Variants in NEBL observed in about 807,000 individuals in gnomAD.
The protein encoded by NEBL is LIM and SH3 protein 2.
A neutral mutation model predicts 140.2 loss-of-function variants in NEBL; 122 were observed. That is an observed-to-expected ratio of 0.87 (90% CI 0.75 to 1.01). The LOEUF is 1.01. Among genes scored for constraint, NEBL ranks in the 50% least tolerant of loss-of-function variants. The probability of loss-of-function intolerance (pLI) is 0.00; values close to 1 mark genes in which losing one functional copy is unlikely to be tolerated. For missense variants in NEBL, 1,365 were observed against 1,231.3 expected (o/e 1.11, Z -1.62); for synonymous variants, 436 against 398.9 (o/e 1.09, Z -1.11).
chr10:20,823,223 C>T lies in NEBL; in HGVS notation c.1947G>A (p.Gln649=). Residue 649 remains glutamine, a synonymous_variant, in exon 19 of 28, where the codon CAG becomes CAA. Coordinates refer to ENST00000377122, the MANE Select transcript of NEBL (RefSeq NM_006393.3). Reference sequence around the variant, plus strand: ...ATATGATCACATTGCTGATGTTCTTCTGGTTTTCTTTAACTCTCTTTAGTT... The same window carrying T: ...ATATGATCACATTGCTGATGTTCTTTTGGTTTTCTTTAACTCTCTTTAGTT... The part of the protein sequence containing the change: ...PPELKRVKEN[Q]KNISNLQYKE... 5.6e-6 allele frequency: 9 copies of T among 1,605,864 alleles called. No individual in the cohort carries two copies. Among genetic ancestry groups the T allele is most frequent in the Non-Finnish European group, 7.7e-6 (9 of 1,175,496 alleles).
intron 17 of NEBL, among the ~76,000 whole-genome samples, chr10:20,827,053 G>T (rs1012058443): frequency 3.3e-5 from 5 of 151,968 alleles, no homozygotes; most frequent in African/African-American, 9.7e-5. Flanking sequence ...CCACTTATTT[G>T]TTAACCCTCT....
At chr10:21,136,243 G>C (rs1056007972) in intron 2 of NEBL, among the ~76,000 whole-genome samples, 2 of 152,174 alleles carry the variant, frequency 1.3e-5, no homozygotes, top group African/African-American at 4.8e-5. Context: ...CAATTCTCTA[G>C]TAATATATTT....
At chr10:20,925,638 C>T (rs1023367556) in intron 4 of NEBL, among the ~76,000 whole-genome samples, 1 of 152,036 alleles carries the variant, frequency 6.6e-6, no homozygotes, top group Non-Finnish European at 1.5e-5. Flanking sequence ...CTGCCAACTC[C>T]TTAACCCACA....
At chr10:21,041,863 A>C (rs1834282483) in intron 2 of NEBL, among the ~76,000 whole-genome samples, 1 of 152,170 alleles carries the variant, frequency 6.6e-6, no homozygotes, top group African/African-American at 2.4e-5. Context: ...CATATATAGT[A>C]ATTTCCCGAT....
chr10:21,275,807 A>ATTTTTTT (rs959684198), intron 1 of NEBL, among the ~76,000 whole-genome samples: 7 of 113,800 alleles, frequency 6.2e-5, no homozygotes, highest in African/African-American at 7.0e-5. Flanking sequence ...CACCCAGCTA[A>ATTTTTTT]TTTTTTTTTT....
In NEBL at chr10:20,823,209, T is replaced by C. The variant is rs1839521789; in HGVS notation, c.1961A>G (p.Asn654Ser). ...RVKENQKNISNLQYKEQNYKA... is the reference protein window; with the variant it reads ...RVKENQKNISSLQYKEQNYKA... ...AAAATACTTAAGAAATATGATCACA[T>C]TGCTGATGTTCTTCTGGTTTTCTTT... is the stretch of plus-strand genomic sequence containing the variant. The change falls in exon 19 of 28, where the codon AAT becomes AGT. Residue 654 changes from asparagine to serine, a missense_variant and splice_region_variant. Physicochemically the swap from Asn to Ser is conservative, Grantham distance 46. Around this residue, in one of 2 missense-constraint regions of NEBL, gnomAD observed 1,323 missense variants for 1,154.8 expected, o/e 1.15. Transcript: ENST00000377122. 3 of 1,596,728 alleles carry C rather than the reference T, an allele frequency of 1.9e-6. No individual in the cohort carries two copies. The East Asian group carries it at 6.7e-5, about 36-fold the overall frequency.
At chr10:21,281,542 T>C (rs946426777) in intron 1 of NEBL, among the ~76,000 whole-genome samples, 6 of 151,862 alleles carry the variant, frequency 4.0e-5, no homozygotes, top group Non-Finnish European at 7.4e-5. Context: ...TGACATGAAA[T>C]GGGGTAAAAT....
intron 3 of NEBL, among the ~76,000 whole-genome samples, chr10:20,991,634 T>C (rs1837457824): frequency 6.6e-6 from 1 of 152,074 alleles, no homozygotes; most frequent in African/African-American, 2.4e-5. Context: ...TATTTTTATA[T>C]TCAGGGGTAC....
chr10:21,245,786 C>T (rs549767662), intron 3 of NEBL, among the ~76,000 whole-genome samples: 5 of 152,356 alleles, frequency 3.3e-5, no homozygotes, highest in Admixed American at 1.3e-4. Context: ...AGCTCCACCT[C>T]CTGGGTTCAC....
chr10:21,266,830 T>A (rs755707318), intron 1 of NEBL, among the ~76,000 whole-genome samples: 3 of 152,128 alleles, frequency 2.0e-5, no homozygotes, highest in Non-Finnish European at 4.4e-5. Flanking sequence ...CAGGCTGGAG[T>A]GCAGTGGCAT....
At chr10:21,193,364 T>C (rs74121097) in intron 3 of NEBL, among the ~76,000 whole-genome samples, 3,037 of 152,282 alleles carry the variant, frequency 0.02, 110 homozygotes, top group African/African-American at 0.068. Flanking sequence ...GCCAAAAGCC[T>C]GAAATGGTCG....
chr10:21,037,007 A>C (rs923766987), intron 2 of NEBL, among the ~76,000 whole-genome samples: 1 of 152,118 alleles, frequency 6.6e-6, no homozygotes, highest in Non-Finnish European at 1.5e-5. Flanking sequence ...CCACCTGTGC[A>C]CTTTACAGAA....
chr10:20,821,055 AG>A (rs1839264745), intron 19 of NEBL, among the ~76,000 whole-genome samples: 1 of 152,156 alleles, frequency 6.6e-6, no homozygotes, highest in Admixed American at 6.5e-5. Flanking sequence ...ATTGAGCTAA[AG>A]GGAGGAATGT....
chr10:20,895,177 A>G (rs1847370405), intron 2 of NEBL, among the ~76,000 whole-genome samples: 1 of 152,122 alleles, frequency 6.6e-6, no homozygotes, highest in Non-Finnish European at 1.5e-5. Context: ...CAAATCACCT[A>G]CTAACTACAG....
intron 4 of NEBL, among the ~76,000 whole-genome samples, chr10:20,945,346 G>T (rs901104758): frequency 6.6e-6 from 1 of 152,132 alleles, no homozygotes; most frequent in African/African-American, 2.4e-5. Context: ...ACCAGGCTAC[G>T]TTCTGTGTTC....
Position 20,817,683 on chromosome 10 carries a change from T to C in NEBL, c.2065A>G (p.Lys689Glu), listed in dbSNP as rs1564351005. ...NQEQLSAVKY[K>E]GELQRGTAIS... ...GCAGTTCCCCGTTGAAGTTCTCCCT[T>C]ATATTTTACCTAAGAAGGATAAATA... The change falls in exon 21 of 28, where the codon AAG becomes GAG. Residue 689 changes from lysine to glutamate, a missense_variant. Lys to Glu is a moderately conservative substitution (Grantham distance 56, BLOSUM62 1). Coordinates refer to ENST00000377122, the MANE Select transcript of NEBL (RefSeq NM_006393.3). 3 of 1,612,026 alleles carry C rather than the reference T, an allele frequency of 1.9e-6. No homozygotes were observed. The highest frequency in any genetic ancestry group is 2.5e-6 in the Non-Finnish European group (3 of 1,178,124).
intron 2 of NEBL, among the ~76,000 whole-genome samples, chr10:21,043,325 C>T (rs1007871762): frequency 1.1e-4 from 17 of 152,226 alleles, no homozygotes; most frequent in African/African-American, 4.1e-4. Context: ...TCAACATTGA[C>T]GAATTTAGAA....
rs140509078 is a variant in NEBL, at chr10:21,004,443, G to A, written c.249+15674C>T. Among the ~76,000 whole-genome samples, 57 of 152,140 alleles carry A rather than the reference G, an allele frequency of 3.7e-4. No individual in the cohort carries two copies. In the East Asian group the frequency reaches 6.2e-3, roughly 17 times the overall value. ...AGCGTAAATAAGAATCACCTGGGCC[G>A]GGCACGGTGGCTCACGCCTGTAATC... On this transcript the variant is annotated intron_variant, in intron 3 of 6. Coordinates refer to the NEBL transcript ENST00000417816.
At chr10:20,820,071 A>G (rs183819789) in intron 19 of NEBL, among the ~76,000 whole-genome samples, 58 of 152,300 alleles carry the variant, frequency 3.8e-4, no homozygotes, top group African/African-American at 1.4e-3. Context: ...GCCATTTTAT[A>G]TTTAAAAATA....
Sources: gnomAD v4.1 joint callset for allele counts (sites outside exome capture counted in the v4.1 genomes callset) on GRCh38, gnomAD v4.1.1 for gene constraint, gnomAD v4.1.1 regional missense constraint, MANE v1.5 for transcripts, NCBI Gene and HGNC (gene_info 2026-07-23, HGNC 2026-07-21) for gene names.